Variants in REPS2 observed in about 807,000 individuals in gnomAD.
REPS2 encodes RALBP1 associated Eps domain containing 2.
Under a neutral mutation model 53.6 loss-of-function variants are expected in REPS2, and 23 were observed. The observed-to-expected ratio is 0.43, with a 90% CI of 0.31 to 0.61. REPS2 has a LOEUF of 0.61. Ranked by LOEUF, REPS2 falls within the 20% of genes least tolerant of loss-of-function variation. REPS2 has a pLI of 0.11. For missense variants in REPS2, 446 were observed against 534.9 expected, an observed-to-expected ratio of 0.83 and a Z score of 1.64; for synonymous variants, 238 against 218.6, an observed-to-expected ratio of 1.09 and a Z score of -0.78.
chrX:17,089,646 TCTGA>T (rs2062589225), intron 13 of REPS2, among the ~76,000 whole-genome samples: 1 of 112,570 alleles, frequency 8.9e-6, no homozygotes, highest in Non-Finnish European at 1.9e-5. Flanking sequence ...GTCTTTTCTG[TCTGA>T]CTTTGTTTAC....
chrX:17,182,140 GTCTATCTATCTATCTA>G, the REPS2 span, among the ~76,000 whole-genome samples: 60 of 101,257 alleles, frequency 5.9e-4, no homozygotes, highest in African/African-American at 1.7e-3. Context: ...TGCTCTATCT[GTCTATCTATCTATCTA>G]TCTATCTATC....
intron 1 of REPS2, among the ~76,000 whole-genome samples, chrX:16,967,995 G>A (rs910954987): frequency 1.1e-4 from 12 of 110,887 alleles, no homozygotes; most frequent in Admixed American, 2.9e-4. Context: ...GCGGCCTTCC[G>A]CAGTGTTTGT....
chrX:17,101,196 G>A (rs2062793161), intron 13 of REPS2, among the ~76,000 whole-genome samples: 1 of 108,327 alleles, frequency 9.2e-6, no homozygotes. Flanking sequence ...TGGGACTACA[G>A]GCGCCCGCCA....
chrX:17,044,085 C>A (rs1395815822), intron 5 of REPS2, among the ~76,000 whole-genome samples: 1 of 111,986 alleles, frequency 8.9e-6, no homozygotes, highest in Non-Finnish European at 1.9e-5. Context: ...GAGTTAATCA[C>A]CCCCTTCTGT....
chrX:17,077,819 C>T (rs1169555566), intron 13 of REPS2, among the ~76,000 whole-genome samples: 1 of 112,569 alleles, frequency 8.9e-6, no homozygotes, highest in Non-Finnish European at 1.9e-5. Context: ...TAGCCAGAAC[C>T]TTCTCCTGCA....
rs1250391153 is a variant in REPS2 at position 17,029,549 on chromosome X, C to G, written c.697C>G (p.Leu233Val). Residue 233 changes from leucine to valine, a missense_variant, in exon 5 of 18, where the codon CTT becomes GTT. Leu to Val is a conservative substitution (Grantham distance 32). Transcript: ENST00000357277. ...HPAPYEARQP[L>V]VQPEGSSSGG... ...AGCACCTTATGAAGCTAGGCAGCCC[C>G]TTGTCCAGCCCGAGGGATCCTCATC... 8.3e-7 allele frequency: 1 copy of G among 1,208,759 alleles called. No individual in the cohort carries two copies. The highest frequency in any genetic ancestry group is 1.7e-5 in the African/African-American group (1 of 57,316).
Position 16,946,797 on chromosome X carries a change from G to A in REPS2, c.-65G>A. 2.6e-6 allele frequency: 2 copies of A among 760,436 alleles called. No homozygotes were observed. Among genetic ancestry groups the A allele is most frequent in the South Asian group, 6.5e-5 (1 of 15,460 alleles). The allele number at this position is 760,436 out of a possible 1,213,427, so 62.7% of individuals were successfully genotyped here. On this transcript the variant is annotated 5_prime_UTR_variant, in exon 1 of 18. Coordinates refer to ENST00000357277, the MANE Select transcript of REPS2 (RefSeq NM_004726.3). Reference sequence around the variant, plus strand: ...GGCAGCTGAGGCCGAGGAGGCGGTGGCTGTGGCGGACGCAGCAGCACCCCA... The same window carrying A: ...GGCAGCTGAGGCCGAGGAGGCGGTGACTGTGGCGGACGCAGCAGCACCCCA...
chrX:17,075,476 A>T (rs1332336558), intron 12 of REPS2, among the ~76,000 whole-genome samples: 2 of 112,340 alleles, frequency 1.8e-5, no homozygotes, highest in Admixed American at 9.4e-5. Context: ...TATTTTCATT[A>T]CTTCTCACTG....
At chrX:17,074,045 C>A in intron 11 of REPS2, 69 bp from the exon 12 acceptor site, 1 of 994,947 alleles carries the variant, frequency 1.0e-6, no homozygotes, top group Non-Finnish European at 1.4e-6. Flanking sequence ...GTGTTCTGTA[C>A]TAGCCCAGGT....
At chrX:17,157,229 T>G (rs1444768006), downstream of REPS2, among the ~76,000 whole-genome samples, 1 of 111,863 alleles carries the variant, frequency 8.9e-6, no homozygotes, top group Admixed American at 9.5e-5. Context: ...TTTTATATGA[T>G]AAGAACACCC....
intron 14 of REPS2, among the ~76,000 whole-genome samples, chrX:17,127,058 C>T (rs1467791896): frequency 8.9e-6 from 1 of 111,799 alleles, no homozygotes; most frequent in Non-Finnish European, 1.9e-5. Flanking sequence ...CTTTATCTCT[C>T]AACCATTTAC....
intron 1 of REPS2, among the ~76,000 whole-genome samples, chrX:16,950,763 T>C (rs771190453): frequency 1.8e-5 from 2 of 112,933 alleles, no homozygotes; most frequent in Non-Finnish European, 3.7e-5. Context: ...AAAAATAAAA[T>C]GTCAGCCTGG....
intron 16 of REPS2, chrX:17,137,741 G>A (rs112516402): frequency 3.6e-5 from 4 of 111,433 alleles, no homozygotes; most frequent in African/African-American, 9.9e-5. Context: ...TGAGTAGCTG[G>A]AACTACAGGC....
chrX:17,158,274 C>T, the REPS2 span, among the ~76,000 whole-genome samples: 1 of 111,479 alleles, frequency 9.0e-6, no homozygotes, highest in Non-Finnish European at 1.9e-5. Context: ...GTTAATGGTA[C>T]AGAATAGAGA....
At chrX:16,950,760 A>C (rs2060496037) in intron 1 of REPS2, among the ~76,000 whole-genome samples, 2 of 112,882 alleles carry the variant, frequency 1.8e-5, no homozygotes, top group African/African-American at 6.4e-5. Context: ...TCCAAAAATA[A>C]AATGTCAGCC....
intron 13 of REPS2, among the ~76,000 whole-genome samples, chrX:17,088,077 T>TTC (rs1187665040): frequency 9.0e-6 from 1 of 110,913 alleles, no homozygotes; most frequent in Non-Finnish European, 1.9e-5. Flanking sequence ...CACATTTGTA[T>TTC]TCTCTCTCTC....
At chrX:17,138,050 C>T (rs1375944110) in intron 16 of REPS2, 2 of 112,369 alleles carry the variant, frequency 1.8e-5, no homozygotes, top group African/African-American at 3.2e-5. Flanking sequence ...TCTAAGAATT[C>T]GGTGTTTCTT....
At chrX:17,023,397 C>T (rs1484616343) in intron 3 of REPS2, among the ~76,000 whole-genome samples, 1 of 104,481 alleles carries the variant, frequency 9.6e-6, no homozygotes, top group African/African-American at 3.5e-5. Flanking sequence ...CACTGCACTC[C>T]AGCCTGGGCC....
chrX:17,085,568 A>G (rs758112797), intron 13 of REPS2, among the ~76,000 whole-genome samples: 2 of 112,307 alleles, frequency 1.8e-5, no homozygotes, highest in East Asian at 2.8e-4. Flanking sequence ...ATGTTTCAGT[A>G]TACAAGTCTT....
Sources: gnomAD v4.1 joint callset for allele counts (sites outside exome capture counted in the v4.1 genomes callset) on GRCh38, gnomAD v4.1.1 for gene constraint, MANE v1.5 for transcripts, NCBI Gene and HGNC (gene_info 2026-07-23, HGNC 2026-07-21) for gene names.